The following EPHA4 variants were observed in gnomAD, a reference collection of about 807,000 sequenced individuals.
EPHA4 encodes ephrin type-A receptor 4.
EPHA4 carries 19 observed loss-of-function variants against 108.3 expected under a neutral mutation model. The ratio of observed to expected loss-of-function variants is 0.18; its 90% CI spans 0.12 to 0.26. EPHA4 has a LOEUF of 0.26. EPHA4 is among the 10% of genes least tolerant of loss of function. The pLI, the probability that EPHA4 is intolerant of heterozygous loss-of-function variation, is 1.00. For synonymous variants in EPHA4, 449 were observed against 455.5 expected (o/e 0.99, Z 0.18); for missense variants, 917 against 1,254.0 (o/e 0.73, Z 4.06).
rs1211819971 is a variant in EPHA4 at position 221,419,663 on chromosome 2, A to G, written c.*1709T>C. 1 of 152,556 alleles carries G rather than the reference A, an allele frequency of 6.6e-6. No homozygotes were observed. Among genetic ancestry groups the G allele is most frequent in the East Asian group, 1.9e-4 (1 of 5,198 alleles). The allele number at this position is 152,556 out of a possible 1,614,324, so 9.5% of individuals were successfully genotyped here. A position where few individuals can be genotyped will look rare whatever the true frequency, so the allele number is the denominator to read the frequency against. Reference sequence around the variant, plus strand: ...TCACCTGAATGGATTTATATTTTAAATTACTTCACCATTAAGGTGAAAATG... The same window carrying G: ...TCACCTGAATGGATTTATATTTTAAGTTACTTCACCATTAAGGTGAAAATG... On this transcript the variant is annotated 3_prime_UTR_variant, in exon 18 of 18. Coordinates refer to ENST00000281821, the MANE Select transcript of EPHA4 (RefSeq NM_004438.5).
rs914966642 is a variant in EPHA4 at position 221,523,486 on chromosome 2, C to T, written c.824-22314G>A. Among the ~76,000 whole-genome samples the T allele has an allele frequency of 2.0e-5, 3 of 152,182 alleles. No homozygotes were observed. The East Asian group carries it at 5.8e-4, about 30-fold the overall frequency. On this transcript the variant is annotated intron_variant, in intron 3 of 17. Transcript: ENST00000281821. ...ATTTTTAGTAGAGATGGGGTTTCTC[C>T]ATGTTGGTCAGGCTGGTCTTGAACT...
chr2:221,542,850 T>A (rs895074412), intron 3 of EPHA4, among the ~76,000 whole-genome samples: 1 of 152,170 alleles, frequency 6.6e-6, no homozygotes, highest in Non-Finnish European at 1.5e-5. Flanking sequence ...ATTAATTGAT[T>A]TTTTAGAATG....
At chr2:221,453,366 A>T (rs763545454) in intron 8 of EPHA4, among the ~76,000 whole-genome samples, 7 of 152,244 alleles carry the variant, frequency 4.6e-5, no homozygotes, top group Non-Finnish European at 1.0e-4. Flanking sequence ...AAAAAAGCAC[A>T]TATAATTCCT....
chr2:221,488,746 G>T (rs1692051961), intron 4 of EPHA4, among the ~76,000 whole-genome samples: 1 of 152,084 alleles, frequency 6.6e-6, no homozygotes, highest in Non-Finnish European at 1.5e-5. Flanking sequence ...ATTATAAAAG[G>T]AATCTTGATC....
At chr2:221,482,238 G>C (rs1277261666) in intron 5 of EPHA4, 114 bp downstream of exon 5, 2 of 1,102,892 alleles carry the variant, frequency 1.8e-6, no homozygotes, top group East Asian at 2.6e-5. Flanking sequence ...TTATAACGCA[G>C]CTCCCAGGCT....
chr2:221,434,349 G>T, intron 13 of EPHA4, 58 bp from the exon 14 acceptor site: 1 of 1,569,248 alleles, frequency 6.4e-7, no homozygotes, highest in Middle Eastern at 1.7e-4. Context: ...TGCCATTTTA[G>T]ATTCTGAATG....
chr2:221,460,360 A>C (rs1574581717), intron 5 of EPHA4, among the ~76,000 whole-genome samples: 1 of 152,208 alleles, frequency 6.6e-6, no homozygotes, highest in East Asian at 1.9e-4. Flanking sequence ...TTTCATACCT[A>C]CTGGAGAGAT....
At chr2:221,436,665 A>T (rs1690249746) in intron 12 of EPHA4, 57 bp from the exon 13 acceptor site, 3 of 1,514,984 alleles carry the variant, frequency 2.0e-6, no homozygotes, top group African/African-American at 1.4e-5. Flanking sequence ...GTTAATTCTC[A>T]CCAAGCATTT....
intron 1 of EPHA4, 88 bp downstream of exon 1, chr2:221,572,070 G>T (rs1453915467): frequency 2.7e-6 from 3 of 1,098,776 alleles, no homozygotes; most frequent in Non-Finnish European, 4.2e-6. Context: ...GGCTCCCCCC[G>T]CACCACCTGG....
At chr2:221,448,383 T>C (rs1410015919) in intron 8 of EPHA4, among the ~76,000 whole-genome samples, 1 of 152,152 alleles carries the variant, frequency 6.6e-6, no homozygotes, top group Non-Finnish European at 1.5e-5. Context: ...TGGTGAGAGT[T>C]AATTATAAGT....
chr2:221,568,685 AC>A (rs1481198492), intron 2 of EPHA4, 32 bp downstream of exon 2: 2 of 1,579,852 alleles, frequency 1.3e-6, no homozygotes, highest in Non-Finnish European at 1.7e-6. Flanking sequence ...CTCCTTTTTT[AC>A]CCTTTGGATC....
chr2:221,446,553 G>T lies in EPHA4; in HGVS notation c.1716-372C>A, dbSNP rs558748115. ...TATACATGTGTATATATATGTACAT[G>T]TGTGTATATGTATATATACATTCTA... On this transcript the variant is annotated intron_variant, in intron 8 of 17. Coordinates refer to ENST00000281821, the MANE Select transcript of EPHA4 (RefSeq NM_004438.5). 2.2e-4 allele frequency among the ~76,000 whole-genome samples: 33 copies of T among 151,972 alleles called. 1 individual carries two copies. The South Asian group carries it at 6.5e-3, about 30-fold the overall frequency.
intron 1 of EPHA4, 88 bp downstream of exon 1, chr2:221,572,069 CG>C (rs1694856972): frequency 9.1e-7 from 1 of 1,100,032 alleles, no homozygotes; most frequent in Admixed American, 1.7e-5. Flanking sequence ...GGGCTCCCCC[CG>C]CACCACCTGG....
intron 3 of EPHA4, chr2:221,532,872 G>A (rs560194839): frequency 1.3e-5 from 2 of 152,500 alleles, no homozygotes; most frequent in East Asian, 3.9e-4. Flanking sequence ...CTCTGGGCCA[G>A]GTGACTGTTT....
chr2:221,529,345 G>A (rs1016205699), intron 3 of EPHA4, among the ~76,000 whole-genome samples: 3 of 152,156 alleles, frequency 2.0e-5, no homozygotes, highest in Admixed American at 6.5e-5. Context: ...CATTCACAAA[G>A]CACAGGAGGG....
chr2:221,494,464 G>T (rs1179313564), intron 4 of EPHA4, among the ~76,000 whole-genome samples: 4 of 152,076 alleles, frequency 2.6e-5, no homozygotes, highest in African/African-American at 7.2e-5. Context: ...ATATTAGCTG[G>T]GCATGGTGGT....
In EPHA4 at chr2:221,426,514, GAA is replaced by G; in HGVS notation, c.2794_2795del (p.Phe932HisfsTer32). 1.2e-6 allele frequency: 2 copies of G among 1,614,026 alleles called. No homozygotes were observed. The highest frequency in any genetic ancestry group is 1.7e-6 in the Non-Finnish European group (2 of 1,179,998). Reference sequence around the variant, plus strand: ...CTAGTGTGGTATAACCAGCAGCTGTGAAGTTATCCTTATACCGGTCCATTTTA... The same window carrying G: ...CTAGTGTGGTATAACCAGCAGCTGTGGTTATCCTTATACCGGTCCATTTTA... ...AIKMDRYKDNFTAAGYTTLEA... is the reference protein window; with the variant it reads ...AIKMDRYKDNXTAAGYTTLEA... On this transcript the variant is annotated frameshift_variant, in exon 16 of 18. Transcript: ENST00000281821. LOFTEE classifies it high-confidence loss of function.
At chr2:221,439,914 G>A (rs1322534970) in intron 11 of EPHA4, among the ~76,000 whole-genome samples, 3 of 152,256 alleles carry the variant, frequency 2.0e-5, no homozygotes, top group East Asian at 1.9e-4. Flanking sequence ...GAATTCACAC[G>A]CTTCCACTCT....
chr2:221,472,683 G>A (rs1691526191), intron 5 of EPHA4, among the ~76,000 whole-genome samples: 1 of 152,098 alleles, frequency 6.6e-6, no homozygotes, highest in Admixed American at 6.6e-5. Flanking sequence ...AAAAAGGGAT[G>A]GACCATAGTT....
Sources: allele counts gnomAD v4.1 joint callset (sites outside exome capture counted in the v4.1 genomes callset), GRCh38; gene constraint gnomAD v4.1.1; transcripts MANE v1.5; gene names NCBI Gene and HGNC (gene_info 2026-07-23, HGNC 2026-07-21).